Variants in PCDH7 observed in about 807,000 individuals in gnomAD.
The protein encoded by PCDH7 is protocadherin 7.
Under a neutral mutation model 58.9 loss-of-function variants are expected in PCDH7, and 17 were observed. The ratio of observed to expected loss-of-function variants is 0.29; its 90% CI spans 0.20 to 0.43. The LOEUF (loss-of-function observed/expected upper bound fraction) is 0.43, where lower values mean the gene tolerates loss of function less well. PCDH7 is among the 20% of genes least tolerant of loss of function. The pLI, the probability that PCDH7 is intolerant of heterozygous loss-of-function variation, is 1.00. For missense variants in PCDH7, 1,274 were observed against 1,441.0 expected (o/e 0.88, Z 1.88); for synonymous variants, 664 against 616.4 (o/e 1.08, Z -1.14).
intron 3 of PCDH7, among the ~76,000 whole-genome samples, chr4:30,999,670 G>A (rs772815878): frequency 2.6e-5 from 4 of 152,086 alleles, no homozygotes; most frequent in Non-Finnish European, 4.4e-5. Flanking sequence ...ATTTAAAATA[G>A]CAATGCACTG....
intron 2 of PCDH7, among the ~76,000 whole-genome samples, chr4:30,931,609 A>T (rs1191019799): frequency 6.6e-6 from 1 of 151,586 alleles, no homozygotes; most frequent in East Asian, 1.9e-4. Flanking sequence ...ATATGTAGTA[A>T]GTAAGGGCCC....
intron 3 of PCDH7, among the ~76,000 whole-genome samples, chr4:31,124,893 T>G (rs1718114833): frequency 6.6e-6 from 1 of 152,222 alleles, no homozygotes. Context: ...TATTTCTGCT[T>G]CTCACATCTA....
intron 1 of PCDH7, among the ~76,000 whole-genome samples, chr4:30,836,372 G>T (rs918381504): frequency 1.3e-5 from 2 of 152,198 alleles, no homozygotes; most frequent in Non-Finnish European, 2.9e-5. Context: ...ACAGGAGGAA[G>T]TGACCATATG....
At position 30,776,976 on chromosome 4, in the gene PCDH7, C is replaced by T. The variant is rs369932112; in HGVS notation, c.70+52380C>T. On this transcript the variant is annotated intron_variant, in intron 1 of 3. Transcript: ENST00000509759. The stretch of plus-strand genomic sequence containing the variant: ...TTAAAAATCCCAGTAATATTCCCTA[C>T]CTGAAAAGTGTTGTTGAGGTACATT... 1.1e-4 allele frequency among the ~76,000 whole-genome samples: 17 copies of T among 151,784 alleles called. No individual in the cohort carries two copies. In the East Asian group the frequency reaches 2.9e-3, roughly 26 times the overall value.
intron 1 of PCDH7, among the ~76,000 whole-genome samples, chr4:30,810,015 T>G (rs1726773611): frequency 6.6e-6 from 1 of 152,344 alleles, no homozygotes; most frequent in East Asian, 1.9e-4. Context: ...ACAGGTAGTT[T>G]TAAAGTTTTC....
intron 3 of PCDH7, among the ~76,000 whole-genome samples, chr4:30,988,542 A>C (rs1018441495): frequency 3.3e-5 from 5 of 152,198 alleles, no homozygotes; most frequent in African/African-American, 1.2e-4. Context: ...TTGTTGAAAC[A>C]AGAAATATAA....
intron 3 of PCDH7, among the ~76,000 whole-genome samples, chr4:30,961,812 A>T (rs537333777): frequency 1.1e-4 from 16 of 152,270 alleles, no homozygotes; most frequent in African/African-American, 3.9e-4. Context: ...TTAAGCTGCA[A>T]ACAGAGTCAA....
At chr4:30,871,836 T>C (rs542788031) in intron 1 of PCDH7, among the ~76,000 whole-genome samples, 15 of 152,198 alleles carry the variant, frequency 9.9e-5, no homozygotes, top group African/African-American at 3.6e-4. Flanking sequence ...CACCCCATCC[T>C]TGCTGATGGT....
chr4:31,112,559 A>C (rs1372516200), intron 3 of PCDH7, among the ~76,000 whole-genome samples: 2 of 152,198 alleles, frequency 1.3e-5, no homozygotes, highest in African/African-American at 4.8e-5. Flanking sequence ...TTGGCGTAAC[A>C]TGCTGTGAGC....
At chr4:31,002,797 C>T (rs190120610) in intron 3 of PCDH7, among the ~76,000 whole-genome samples, 3,240 of 152,154 alleles carry the variant, frequency 0.021, 47 homozygotes, top group Non-Finnish European at 0.033. Flanking sequence ...TAGTTATAGC[C>T]CCAAATATTT....
At chr4:30,952,830 T>A (rs1413005559) in intron 3 of PCDH7, among the ~76,000 whole-genome samples, 2 of 152,112 alleles carry the variant, frequency 1.3e-5, no homozygotes, top group South Asian at 4.1e-4. Flanking sequence ...CATTTAGAAC[T>A]AAAATAGTTG....
intron 1 of PCDH7, among the ~76,000 whole-genome samples, chr4:30,746,737 A>G (rs1023108398): frequency 6.6e-6 from 1 of 152,164 alleles, no homozygotes; most frequent in Non-Finnish European, 1.5e-5. Context: ...TTGAAAATTG[A>G]CTTGATGCCA....
At chr4:30,843,063 T>A (rs79967232) in intron 1 of PCDH7, among the ~76,000 whole-genome samples, 1 of 144,846 alleles carries the variant, frequency 6.9e-6, no homozygotes, top group East Asian at 2.0e-4. Context: ...ACAAATGACT[T>A]TTTTTTTTTT....
intron 1 of PCDH7, among the ~76,000 whole-genome samples, chr4:30,875,024 G>A (rs140291408): frequency 1.1e-4 from 17 of 151,998 alleles, no homozygotes; most frequent in African/African-American, 3.9e-4. Context: ...TCACATCATC[G>A]TATTTTCAAG....
At chr4:31,017,673 T>A (rs2109163321) in intron 3 of PCDH7, among the ~76,000 whole-genome samples, 1 of 152,200 alleles carries the variant, frequency 6.6e-6, no homozygotes, top group Middle Eastern at 3.4e-3. Flanking sequence ...ATGAAAGCAG[T>A]GTCATCTATT....
intron 1 of PCDH7, among the ~76,000 whole-genome samples, chr4:30,835,530 G>C (rs1327136878): frequency 6.6e-6 from 1 of 152,168 alleles, no homozygotes; most frequent in South Asian, 2.1e-4. Flanking sequence ...CCGGGTCCCT[G>C]ATGCCAAAAA....
At position 30,978,097 on chromosome 4, in the gene PCDH7, G is replaced by T. The variant is rs984551838; in HGVS notation, c.*7+27882G>T. On this transcript the variant is annotated intron_variant, in intron 3 of 3. Coordinates refer to the PCDH7 transcript ENST00000509759. ...GCAGTGAACTAAATATTATATGTAT[G>T]CCCCAATTAATAGAGGAACATTCTG... Among the ~76,000 whole-genome samples the T allele has an allele frequency of 1.3e-4, 20 of 152,050 alleles. 1 individual carries two copies. The highest frequency in any genetic ancestry group is 1.5e-5 in the Non-Finnish European group (1 of 68,008).
chr4:30,821,091 T>C (rs1422043958), intron 1 of PCDH7, among the ~76,000 whole-genome samples: 1 of 152,176 alleles, frequency 6.6e-6, no homozygotes, highest in Non-Finnish European at 1.5e-5. Context: ...CTGCGTGAGA[T>C]AGGTACTGTT....
chr4:30,759,524 A>G (rs553154518), intron 1 of PCDH7, among the ~76,000 whole-genome samples: 2 of 152,332 alleles, frequency 1.3e-5, no homozygotes, highest in South Asian at 2.1e-4. Flanking sequence ...GATAAAGTTC[A>G]TATTTTCTAG....
Sources: allele counts gnomAD v4.1 joint callset (sites outside exome capture counted in the v4.1 genomes callset), GRCh38; gene constraint gnomAD v4.1.1; transcripts MANE v1.5; gene names NCBI Gene and HGNC (gene_info 2026-07-23, HGNC 2026-07-21).